Variants in TET3 observed in about 807,000 individuals in gnomAD.
TET3 encodes the protein methylcytosine dioxygenase TET3.
A neutral mutation model predicts 141.4 loss-of-function variants in TET3; 19 were observed. The observed-to-expected ratio is 0.13, with a 90% CI of 0.09 to 0.20. TET3 has a LOEUF of 0.20. Ranked by LOEUF, TET3 falls within the 10% of genes least tolerant of loss-of-function variation. The probability of loss-of-function intolerance (pLI) is 1.00; values close to 1 mark genes in which losing one functional copy is unlikely to be tolerated. For missense variants in TET3, 1,874 were observed against 2,356.9 expected, an observed-to-expected ratio of 0.80 and a Z score of 4.24; for synonymous variants, 1,043 against 980.9, an observed-to-expected ratio of 1.06 and a Z score of -1.18.
chr2:74,122,509 A>ATTTTTTTTT, the TET3 span: 6 of 76,238 alleles, frequency 7.9e-5, no homozygotes, highest in Non-Finnish European at 1.2e-4. Flanking sequence ...ATATATATAT[A>ATTTTTTTTT]TATTTTTTTT....
intron 2 of TET3, among the ~76,000 whole-genome samples, chr2:73,997,611 C>T (rs1457897747): frequency 2.0e-5 from 3 of 152,148 alleles, no homozygotes; most frequent in Non-Finnish European, 4.4e-5. Flanking sequence ...TACAAGGTCC[C>T]TTGTACTGGA....
chr2:74,093,001 C>G lies in TET3; in HGVS notation c.3129+10C>G. The G allele has an allele frequency of 1.3e-6, 2 of 1,560,448 alleles. No homozygotes were observed. The highest frequency in any genetic ancestry group is 1.7e-6 in the Non-Finnish European group (2 of 1,152,054). On this transcript the variant is annotated intron_variant, in intron 9 of 11. Coordinates refer to ENST00000409262, the MANE Select transcript of TET3 (RefSeq NM_001287491.2). The surrounding 1 kb of genome is among the most constrained non-coding windows in gnomAD (Gnocchi z 4.2). ...GGCCTATCAGAACCAGGTAACGGGC[C>G]CTGGGCCTTTTGCTGCCCACATGTC...
At chr2:74,008,017 C>T (rs1558705762) in intron 3 of TET3, among the ~76,000 whole-genome samples, 1 of 152,076 alleles carries the variant, frequency 6.6e-6, no homozygotes, top group Non-Finnish European at 1.5e-5. Flanking sequence ...TAAAGGCTTC[C>T]TCTTGGTTCC....
At chr2:74,013,329 A>C (rs1305552242) in intron 3 of TET3, among the ~76,000 whole-genome samples, 1 of 151,768 alleles carries the variant, frequency 6.6e-6, no homozygotes, top group Non-Finnish European at 1.5e-5. Context: ...GTTTGATTTG[A>C]TTTATTAACA....
At chr2:74,041,981 A>G (rs1227292317) in intron 3 of TET3, among the ~76,000 whole-genome samples, 1 of 151,998 alleles carries the variant, frequency 6.6e-6, no homozygotes, top group African/African-American at 2.4e-5. Flanking sequence ...TATCCCTTCT[A>G]TTTTCAACAT....
At chr2:74,036,616 C>A (rs976413273) in intron 3 of TET3, among the ~76,000 whole-genome samples, 2 of 152,156 alleles carry the variant, frequency 1.3e-5, no homozygotes, top group African/African-American at 4.8e-5. Flanking sequence ...ATTACTTGCC[C>A]TCTCTGTGTT....
At chr2:74,095,228 T>G (rs1690753482) in intron 10 of TET3, among the ~76,000 whole-genome samples, 4 of 152,278 alleles carry the variant, frequency 2.6e-5, no homozygotes, top group South Asian at 4.1e-4. Flanking sequence ...CCACTTGTTT[T>G]CTATCACTGC....
At chr2:74,003,275 C>T in intron 3 of TET3, 109 bp downstream of exon 3, 1 of 1,426,656 alleles carries the variant, frequency 7.0e-7, no homozygotes, top group Non-Finnish European at 9.6e-7. Context: ...CTTAATCTCC[C>T]ACTGTGTGTG....
At chr2:74,117,806 C>T in the TET3 span, among the ~76,000 whole-genome samples, 2 of 152,056 alleles carry the variant, frequency 1.3e-5, no homozygotes, top group African/African-American at 4.8e-5. Context: ...AACGCAATGA[C>T]ACAATCTTGG....
rs2104063099 is a variant in TET3 at position 74,087,688 on chromosome 2, G to A, written c.2680-142G>A. The A allele has an allele frequency of 1.6e-6, 1 of 630,368 alleles. No homozygotes were observed. The highest frequency in any genetic ancestry group is 2.9e-5 in the East Asian group (1 of 34,182). 39.0% of individuals were successfully genotyped at this position (630,368 alleles called of 1,614,324 possible). A position where few individuals can be genotyped will look rare whatever the true frequency, so the allele number is the denominator to read the frequency against. On this transcript the variant is annotated intron_variant, in intron 6 of 11. Transcript: ENST00000409262. The surrounding 1 kb of genome is among the most constrained non-coding windows in gnomAD (Gnocchi z 4.3). ...TAATAATGGTCTCTTAGCTTGTAAG[G>A]TTGCTGTCTTCAGGGCATGACATCC...
chr2:73,985,628 T>G (rs1573613845), intron 1 of TET3, among the ~76,000 whole-genome samples: 1 of 148,248 alleles, frequency 6.7e-6, no homozygotes, highest in South Asian at 2.1e-4. Context: ...AACTTTATTT[T>G]GAAAGCTCAG....
intron 3 of TET3, among the ~76,000 whole-genome samples, chr2:74,037,229 A>G (rs1687116785): frequency 6.6e-6 from 1 of 152,098 alleles, no homozygotes; most frequent in South Asian, 2.1e-4. Flanking sequence ...CTCTTTCTGC[A>G]CTCGCTTATT....
chr2:74,048,029 T>C lies in TET3; in HGVS notation c.2112T>C (p.Asp704=), dbSNP rs750603188. The change falls in exon 4 of 12, where the codon GAT becomes GAC. Residue 704 remains aspartate, a synonymous_variant. Transcript: ENST00000409262. Reference sequence around the variant, plus strand: ...CCACTGGCCCTCTTCCCCCTGCCGATGACAAGCTGGAAGAGCTCATCCGGC... The same window carrying C: ...CCACTGGCCCTCTTCCCCCTGCCGACGACAAGCTGGAAGAGCTCATCCGGC... ...PGSTGPLPPA[D]DKLEELIRQF... The C allele has an allele frequency of 1.9e-6, 3 of 1,609,832 alleles. No individual in the cohort carries two copies. The highest frequency in any genetic ancestry group is 2.2e-5 in the East Asian group (1 of 44,856).
At chr2:74,069,967 A>G (rs1371276373) in intron 4 of TET3, among the ~76,000 whole-genome samples, 2 of 152,118 alleles carry the variant, frequency 1.3e-5, no homozygotes, top group African/African-American at 4.8e-5. Flanking sequence ...TTTTGTGACA[A>G]TGATTTCCTT....
chr2:74,087,719 A>T lies in TET3; in HGVS notation c.2680-111A>T. 9.5e-7 allele frequency: 1 copy of T among 1,053,534 alleles called. No homozygotes were observed. Among genetic ancestry groups the T allele is most frequent in the East Asian group, 2.6e-5 (1 of 38,168 alleles). The allele number at this position is 1,053,534 out of a possible 1,614,324, so 65.3% of individuals were successfully genotyped here. A position where few individuals can be genotyped will look rare whatever the true frequency, so the allele number is the denominator to read the frequency against. On this transcript the variant is annotated intron_variant, in intron 6 of 11. Transcript: ENST00000409262. This position sits in a 1 kb window ranked among gnomAD's most constrained non-coding sequence, Gnocchi z 4.3. ...GTCTTCAGGGCATGACATCCCTAGA[A>T]CCCTGCCGTTAAGACCTGCACCCTG...
chr2:74,045,784 C>G (rs921647507), intron 3 of TET3, among the ~76,000 whole-genome samples: 1 of 152,034 alleles, frequency 6.6e-6, no homozygotes, highest in African/African-American at 2.4e-5. Context: ...CATGGCTGAC[C>G]CATGGTCCAG....
chr2:74,048,093 G>C lies in TET3; in HGVS notation c.2176G>C (p.Gly726Arg). 1 of 1,613,338 alleles carries C rather than the reference G, an allele frequency of 6.2e-7. No homozygotes were observed. The highest frequency in any genetic ancestry group is 1.1e-5 in the South Asian group (1 of 91,006). Residue 726 changes from glycine (G) to arginine (R), a missense_variant, in exon 4 of 12, where the codon GGC (glycine) becomes CGC (arginine). Around this residue, in one of 10 missense-constraint regions of TET3, gnomAD observed 484 missense variants for 462.2 expected, o/e 1.05. Transcript: ENST00000409262. ...ATTTGGAGATAGCTTTGGGCTTCCC[G>C]GCCCCCCTTCTGTGCCCATTCAGGA... ...AEFGDSFGLP[G>R]PPSVPIQDPE...
chr2:73,990,689 C>T (rs1375811093), intron 2 of TET3, among the ~76,000 whole-genome samples: 1 of 152,176 alleles, frequency 6.6e-6, no homozygotes, highest in African/African-American at 2.4e-5. Context: ...CTTTCTAGCC[C>T]TCAGCCAACT....
chr2:74,066,392 G>A (rs1558763674), intron 4 of TET3, among the ~76,000 whole-genome samples: 1 of 152,016 alleles, frequency 6.6e-6, no homozygotes, highest in South Asian at 2.1e-4. Flanking sequence ...TGGTGGTAGT[G>A]TATATATATA....
Sources: allele counts gnomAD v4.1 joint callset (sites outside exome capture counted in the v4.1 genomes callset), GRCh38; gene constraint gnomAD v4.1.1; regional missense constraint gnomAD v4.1.1; non-coding constraint Gnocchi (gnomAD v3.1); transcripts MANE v1.5; gene names NCBI Gene and HGNC (gene_info 2026-07-23, HGNC 2026-07-21).